EPHA6: variants seen among roughly 807,000 people sequenced by gnomAD.
EPHA6 encodes ephrin type-A receptor 6.
In EPHA6, 50 loss-of-function variants were observed where a neutral mutation model predicts 112.0. The observed-to-expected ratio is 0.45, with a 90% CI of 0.36 to 0.56. The LOEUF is 0.56. Among genes scored for constraint, EPHA6 ranks in the 20% least tolerant of loss-of-function variants. The pLI, the probability that EPHA6 is intolerant of heterozygous loss-of-function variation, is 0.00. For synonymous variants in EPHA6, 529 were observed against 490.7 expected, an observed-to-expected ratio of 1.08 and a Z score of -1.03; for missense variants, 1,280 against 1,417.4, an observed-to-expected ratio of 0.90 and a Z score of 1.56.
At chr3:96,927,815 G>A (rs1332613946) in intron 2 of EPHA6, among the ~76,000 whole-genome samples, 1 of 152,122 alleles carries the variant, frequency 6.6e-6, no homozygotes, top group Non-Finnish European at 1.5e-5. Flanking sequence ...CCAATTTCCT[G>A]TATTCGTCCA....
chr3:97,027,525 T>G (rs1237039884), intron 3 of EPHA6, among the ~76,000 whole-genome samples: 2 of 152,174 alleles, frequency 1.3e-5, no homozygotes, highest in African/African-American at 4.8e-5. Context: ...ACAGATGTAC[T>G]TTTTACAATA....
At chr3:97,086,693 C>G (rs1359976960) in intron 3 of EPHA6, among the ~76,000 whole-genome samples, 2 of 151,568 alleles carry the variant, frequency 1.3e-5, no homozygotes, top group Admixed American at 6.6e-5. Flanking sequence ...TTTTGCACAC[C>G]CTAAATGTTA....
At chr3:96,926,632 A>C (rs1405349011) in intron 2 of EPHA6, among the ~76,000 whole-genome samples, 1 of 152,238 alleles carries the variant, frequency 6.6e-6, no homozygotes, top group Non-Finnish European at 1.5e-5. Flanking sequence ...GAAATTGGCC[A>C]AAACAAAGGG....
At chr3:97,525,900 C>T (rs1319239404) in intron 10 of EPHA6, among the ~76,000 whole-genome samples, 7 of 152,128 alleles carry the variant, frequency 4.6e-5, no homozygotes, top group South Asian at 2.1e-4. Context: ...TCTTTTTCCA[C>T]GTGCAATGAT....
At chr3:97,237,139 G>A (rs1241154949) in intron 4 of EPHA6, among the ~76,000 whole-genome samples, 1 of 151,566 alleles carries the variant, frequency 6.6e-6, no homozygotes, top group Non-Finnish European at 1.5e-5. Flanking sequence ...GCAGAGCCTA[G>A]AAAGGGAGAA....
chr3:97,730,272 G>A (rs982267479), intron 15 of EPHA6, among the ~76,000 whole-genome samples: 13 of 152,124 alleles, frequency 8.5e-5, no homozygotes, highest in Admixed American at 2.6e-4. Flanking sequence ...AGCCTGCTAC[G>A]TGCCCCAACT....
At chr3:97,126,760 A>G (rs558871923) in intron 3 of EPHA6, among the ~76,000 whole-genome samples, 1 of 152,152 alleles carries the variant, frequency 6.6e-6, no homozygotes, top group Non-Finnish European at 1.5e-5. Flanking sequence ...GGAGAACCAA[A>G]TTAAATCCAT....
In EPHA6 at chr3:97,226,344, G is replaced by C; in HGVS notation, c.1195G>C (p.Glu399Gln). The C allele has an allele frequency of 1.2e-6, 2 of 1,613,744 alleles. No homozygotes were observed. Among genetic ancestry groups the C allele is most frequent in the Non-Finnish European group, 1.7e-6 (2 of 1,179,746 alleles). Residue 399 changes from glutamate (E) to glutamine (Q), a missense_variant, in exon 4 of 18, where the codon GAA becomes CAA. Glu to Gln is a conservative substitution (Grantham distance 29). Transcript: ENST00000389672. ...TCCTCCACACAGTTTAACATACATGGAAGCAACTTCTGTCTGTCAGTGTGA... is the reference window on the plus strand; with the variant it reads ...TCCTCCACACAGTTTAACATACATGCAAGCAACTTCTGTCTGTCAGTGTGA... ...KCPPHSLTYM[E>Q]ATSVCQCEKG...
At chr3:97,052,920 G>A (rs1004779585) in intron 3 of EPHA6, among the ~76,000 whole-genome samples, 1 of 152,036 alleles carries the variant, frequency 6.6e-6, no homozygotes, top group East Asian at 1.9e-4. Context: ...AACTATGGTG[G>A]TGGACAGAAA....
At chr3:97,731,091 GC>G (rs1473199869) in intron 15 of EPHA6, among the ~76,000 whole-genome samples, 1 of 152,040 alleles carries the variant, frequency 6.6e-6, no homozygotes, top group Non-Finnish European at 1.5e-5. Flanking sequence ...CTAATGGGGG[GC>G]CTTTGCAGTG....
intron 14 of EPHA6, among the ~76,000 whole-genome samples, chr3:97,678,158 TGG>T (rs2031560571): frequency 6.6e-6 from 1 of 152,104 alleles, no homozygotes; most frequent in Non-Finnish European, 1.5e-5. Context: ...ACTGGAAATC[TGG>T]TGCCTTGAGG....
At chr3:97,351,615 C>T (rs1356464271) in intron 5 of EPHA6, among the ~76,000 whole-genome samples, 1 of 151,966 alleles carries the variant, frequency 6.6e-6, no homozygotes, top group Non-Finnish European at 1.5e-5. Context: ...TTTTCAATAA[C>T]AAATAGAAGC....
intron 9 of EPHA6, among the ~76,000 whole-genome samples, chr3:97,482,697 A>AT (rs2091587633): frequency 6.6e-6 from 1 of 152,210 alleles, no homozygotes; most frequent in Admixed American, 6.5e-5. Context: ...TTTGTTTTTG[A>AT]TTTTTTTGTT....
intron 3 of EPHA6, among the ~76,000 whole-genome samples, chr3:97,057,446 G>A (rs111297206): frequency 6.6e-6 from 1 of 152,188 alleles, no homozygotes; most frequent in African/African-American, 2.4e-5. Flanking sequence ...CCTCAAAAGA[G>A]ACTTTGCTTG....
chr3:97,644,031 C>G (rs1410854868), intron 14 of EPHA6, among the ~76,000 whole-genome samples: 8 of 151,350 alleles, frequency 5.3e-5, no homozygotes, highest in Middle Eastern at 3.2e-3. Flanking sequence ...TGACCACATA[C>G]TTGGAAGTAA....
Position 97,336,032 on chromosome 3 carries a change from G to T in EPHA6, c.1607-69118G>T, listed in dbSNP as rs574481199. 2.1e-4 allele frequency among the ~76,000 whole-genome samples: 32 copies of T among 152,190 alleles called. 1 individual carries two copies. Among genetic ancestry groups the T allele is most frequent in the Admixed American group, 2.0e-3 (30 of 15,268 alleles). On this transcript the variant is annotated intron_variant, in intron 5 of 17. Transcript: ENST00000389672. ...AAAGTCTGCAAAATATCTCAAGCAC[G>T]TATCTTAAGTTTTACAATAATGATG...
intron 16 of EPHA6, among the ~76,000 whole-genome samples, chr3:97,739,444 T>G (rs898550699): frequency 6.6e-6 from 1 of 151,878 alleles, no homozygotes; most frequent in African/African-American, 2.4e-5. Flanking sequence ...GGGAAGAAAT[T>G]AAAGTGACAA....
chr3:97,330,709 A>T (rs1472819683), intron 5 of EPHA6, among the ~76,000 whole-genome samples: 3 of 152,130 alleles, frequency 2.0e-5, no homozygotes, highest in Admixed American at 2.0e-4. Flanking sequence ...TCCTAAATAT[A>T]TATGCACCCA....
intron 14 of EPHA6, among the ~76,000 whole-genome samples, chr3:97,662,063 T>A (rs1304944522): frequency 6.6e-6 from 1 of 152,172 alleles, no homozygotes; most frequent in East Asian, 1.9e-4. Flanking sequence ...TTATAGGTCC[T>A]AGTGACCCTT....
Sources: allele counts gnomAD v4.1 joint callset (sites outside exome capture counted in the v4.1 genomes callset), GRCh38; gene constraint gnomAD v4.1.1; transcripts MANE v1.5; gene names NCBI Gene and HGNC (gene_info 2026-07-23, HGNC 2026-07-21).